CEP112: variants seen among roughly 807,000 people sequenced by gnomAD.
CEP112 encodes centrosomal protein 112.
Under a neutral mutation model 153.0 loss-of-function variants are expected in CEP112, and 127 were observed. The ratio of observed to expected loss-of-function variants is 0.83; its 90% confidence interval spans 0.72 to 0.96. The LOEUF is 0.96. Among genes scored for constraint, CEP112 ranks in the 40% least tolerant of loss-of-function variants. The pLI is 0.00. For missense variants in CEP112, 1,089 were observed against 1,101.2 expected, an observed-to-expected ratio of 0.99 and a Z score of 0.16; for synonymous variants, 358 against 374.4, an observed-to-expected ratio of 0.96 and a Z score of 0.51.
chr17:65,906,112 T>A lies in CEP112; in HGVS notation c.1981-3778A>T, dbSNP rs1318435242. On this transcript the variant is annotated intron_variant, in intron 19 of 26. Transcript: ENST00000535342. ...ATAAAAAATGATGAGTTCATGTCCT[T>A]TGCACAGACATGGATGAAGTTGGAA... 3.9e-5 allele frequency among the ~76,000 whole-genome samples: 6 copies of A among 152,146 alleles called. No homozygotes were observed. In the East Asian group the frequency reaches 1.2e-3, roughly 29 times the overall value.
chr17:65,997,702 A>G (rs1189668444), intron 17 of CEP112, among the ~76,000 whole-genome samples: 1 of 152,054 alleles, frequency 6.6e-6, no homozygotes, highest in East Asian at 1.9e-4. Flanking sequence ...TATTGTCATA[A>G]GCTATAAAAC....
intron 23 of CEP112, among the ~76,000 whole-genome samples, chr17:65,735,921 C>T (rs1460710104): frequency 6.6e-6 from 1 of 152,124 alleles, no homozygotes; most frequent in Non-Finnish European, 1.5e-5. Context: ...GTTTTGTATG[C>T]CATATTGACA....
At chr17:66,009,907 C>G (rs1009303519) in intron 16 of CEP112, among the ~76,000 whole-genome samples, 1 of 152,102 alleles carries the variant, frequency 6.6e-6, no homozygotes, top group Non-Finnish European at 1.5e-5. Flanking sequence ...ATGCTTCCAG[C>G]TTGTTCTTTT....
intron 23 of CEP112, among the ~76,000 whole-genome samples, chr17:65,708,740 G>T (rs1388938986): frequency 6.6e-6 from 1 of 152,176 alleles, no homozygotes; most frequent in South Asian, 2.1e-4. Context: ...AAATTTAAAT[G>T]GTTCTTAAGA....
At chr17:65,768,038 G>C (rs956373012) in intron 21 of CEP112, among the ~76,000 whole-genome samples, 1 of 152,048 alleles carries the variant, frequency 6.6e-6, no homozygotes, top group Non-Finnish European at 1.5e-5. Flanking sequence ...GAGGTTAGTG[G>C]TGCTGACCAC....
rs1315263523 is a variant in CEP112, at chr17:65,761,086, T to C, written c.2395-10362A>G. Among the ~76,000 whole-genome samples the C allele has an allele frequency of 1.3e-5, 2 of 152,028 alleles. 1 individual carries two copies. Among genetic ancestry groups the C allele is most frequent in the Non-Finnish European group, 2.9e-5 (2 of 67,994 alleles). ...ACAATACTCGTGGGCTCTTTAGTGA[T>C]ACCTCATTTTTCATTACTTTTATTA... On this transcript the variant is annotated intron_variant, in intron 21 of 26. Coordinates refer to ENST00000535342, the MANE Select transcript of CEP112 (RefSeq NM_001199165.4).
chr17:65,848,211 T>C (rs2057796886), intron 21 of CEP112, among the ~76,000 whole-genome samples: 1 of 152,210 alleles, frequency 6.6e-6, no homozygotes, highest in Non-Finnish European at 1.5e-5. Flanking sequence ...TAACATCGTA[T>C]TTTCCCAAAC....
At chr17:65,654,469 A>T (rs2045956601) in intron 24 of CEP112, among the ~76,000 whole-genome samples, 1 of 152,176 alleles carries the variant, frequency 6.6e-6, no homozygotes, top group South Asian at 2.1e-4. Flanking sequence ...AAGGGAGTGA[A>T]GCCTGCTGCT....
intron 4 of CEP112, among the ~76,000 whole-genome samples, chr17:66,158,346 CT>C (rs554925802): frequency 1.5e-4 from 23 of 152,302 alleles, no homozygotes; most frequent in African/African-American, 5.1e-4. Context: ...GGCACAGTAG[CT>C]CACACCTGTA....
At chr17:66,004,722 CA>C (rs1481092072) in intron 17 of CEP112, among the ~76,000 whole-genome samples, 1 of 152,134 alleles carries the variant, frequency 6.6e-6, no homozygotes, top group Non-Finnish European at 1.5e-5. Context: ...CAAAGTGAGA[CA>C]GAAGGAATGG....
intron 24 of CEP112, among the ~76,000 whole-genome samples, chr17:65,668,476 C>G (rs1186007172): frequency 6.6e-6 from 1 of 152,260 alleles, no homozygotes; most frequent in South Asian, 2.1e-4. Context: ...AACTCAGATC[C>G]CCCACCTGGA....
At chr17:65,991,747 AT>A (rs932840347) in intron 17 of CEP112, among the ~76,000 whole-genome samples, 3 of 151,980 alleles carry the variant, frequency 2.0e-5, no homozygotes, top group Admixed American at 6.6e-5. Context: ...CCTTAATTCA[AT>A]TTTTTTTCCA....
intron 21 of CEP112, among the ~76,000 whole-genome samples, chr17:65,841,379 A>G (rs1379009195): frequency 1.3e-5 from 2 of 152,114 alleles, no homozygotes; most frequent in African/African-American, 4.8e-5. Flanking sequence ...TCATTATGTT[A>G]AGTGAATTAA....
At chr17:65,697,852 TAGTGATTCTAC>T (rs754940554) in intron 23 of CEP112, among the ~76,000 whole-genome samples, 2 of 152,188 alleles carry the variant, frequency 1.3e-5, no homozygotes, top group Non-Finnish European at 2.9e-5. Flanking sequence ...AAAGTTTTAT[TAGTGATTCTAC>T]AGTCATGGAA....
chr17:66,014,978 G>C (rs1191777611), intron 16 of CEP112, among the ~76,000 whole-genome samples: 1 of 152,158 alleles, frequency 6.6e-6, no homozygotes, highest in African/African-American at 2.4e-5. Context: ...CTTGGTCATG[G>C]TGCCTGATCA....
intron 9 of CEP112, among the ~76,000 whole-genome samples, chr17:66,068,780 G>A (rs570297132): frequency 3.9e-5 from 6 of 151,976 alleles, no homozygotes; most frequent in East Asian, 3.9e-4. Context: ...TTCCATCACC[G>A]TAATTTTTCC....
chr17:66,116,541 G>T (rs948636710), intron 6 of CEP112, among the ~76,000 whole-genome samples: 2 of 151,924 alleles, frequency 1.3e-5, no homozygotes, highest in African/African-American at 4.8e-5. Context: ...TCTGCACTTG[G>T]TTTTTATTAC....
chr17:65,976,554 A>G (rs2063040749), intron 17 of CEP112, among the ~76,000 whole-genome samples: 1 of 152,144 alleles, frequency 6.6e-6, no homozygotes, highest in African/African-American at 2.4e-5. Context: ...CTATAGAAGT[A>G]TGCCATCTGC....
chr17:66,034,344 A>G (rs1216547792), intron 12 of CEP112, among the ~76,000 whole-genome samples: 1 of 152,196 alleles, frequency 6.6e-6, no homozygotes, highest in African/African-American at 2.4e-5. Context: ...AATACAAGAA[A>G]TCCAACATAG....
Sources: allele counts gnomAD v4.1 joint callset (sites outside exome capture counted in the v4.1 genomes callset), GRCh38; gene constraint gnomAD v4.1.1; transcripts MANE v1.5; gene names NCBI Gene and HGNC (gene_info 2026-07-23, HGNC 2026-07-21).